The following NET1 variants were observed in gnomAD, a reference collection of about 807,000 sequenced individuals.
NET1 encodes neuroepithelial cell-transforming gene 1 protein.
NET1 carries 42 observed loss-of-function variants against 61.1 expected under a neutral mutation model. The ratio of observed to expected loss-of-function variants is 0.69; its 90% CI spans 0.54 to 0.89. The LOEUF is 0.89. NET1 is among the 40% of genes least tolerant of loss of function. NET1 has a pLI of 0.00. For synonymous variants in NET1, 254 were observed against 281.8 expected (o/e 0.90, Z 0.99); for missense variants, 654 against 747.3 (o/e 0.88, Z 1.46).
In NET1 at chr10:5,415,349, G is replaced by A. The variant is rs570012943; in HGVS notation, c.128+2529G>A. On this transcript the variant is annotated intron_variant, in intron 1 of 11. Transcript: ENST00000355029. This position sits in a 1 kb window ranked among gnomAD's most constrained non-coding sequence, Gnocchi z 4.7. ...CCCCTTCTGCCCTAAAACCTAATCT[G>A]TCGGTCTGTAGGAATTTCTCTGTTC... Among the ~76,000 whole-genome samples the A allele has an allele frequency of 9.2e-5, 14 of 152,044 alleles. No individual in the cohort carries two copies. The highest frequency in any genetic ancestry group is 3.4e-4 in the African/African-American group (14 of 41,458).
chr10:5,453,368 T>A lies in NET1; in HGVS notation c.691+22T>A, dbSNP rs775071499. ...GAAGGTTAGATGTGCCACTTAATTG[T>A]CATTAAATCTAAAGAGCAGCGGTGC... On this transcript the variant is annotated intron_variant, in intron 7 of 11. Transcript: ENST00000355029. This position sits in a 1 kb window ranked among gnomAD's most constrained non-coding sequence, Gnocchi z 4.9. 4.4e-6 allele frequency: 7 copies of A among 1,579,784 alleles called. No homozygotes were observed. The East Asian group carries it at 1.1e-4, about 25-fold the overall frequency.
At position 5,422,778 on chromosome 10, in the gene NET1, C is replaced by A. The variant is rs951758821; in HGVS notation, c.129-3877C>A. Among the ~76,000 whole-genome samples the A allele has an allele frequency of 6.6e-6, 1 of 152,172 alleles. No individual in the cohort carries two copies. The highest frequency in any genetic ancestry group is 1.9e-4 in the East Asian group (1 of 5,202). On this transcript the variant is annotated intron_variant, in intron 1 of 11. Coordinates refer to ENST00000355029, the MANE Select transcript of NET1 (RefSeq NM_001047160.3). This position sits in a 1 kb window ranked among gnomAD's most constrained non-coding sequence, Gnocchi z 4.1. ...GTCAGAAGTGGAAGAAGAGACAACT[C>A]CTTAATAGCAAAGATGCTGAACAGC...
Position 5,441,241 on chromosome 10 carries a change from C to G in NET1, c.256-10589C>G, listed in dbSNP as rs1185002671. Among the ~76,000 whole-genome samples, 2 of 152,256 alleles carry G rather than the reference C, an allele frequency of 1.3e-5. No individual in the cohort carries two copies. Among genetic ancestry groups the G allele is most frequent in the Non-Finnish European group, 2.9e-5 (2 of 68,044 alleles). On this transcript the variant is annotated intron_variant, in intron 3 of 11. Transcript: ENST00000355029. The surrounding 1 kb of genome is among the most constrained non-coding windows in gnomAD (Gnocchi z 4.6). ...GCCTTTCGGGTGTCCATCCCACACA[C>G]CCGTGGCTACACATGTGCATGTGCC...
chr10:5,412,661 C>T lies in NET1; in HGVS notation c.-32C>T, dbSNP rs1054509205. ...CCCGTCCCTGCCGGTCTCCCGGGCA[C>T]CCGGCCACCGCCCCACCCCCTCCTC... On this transcript the variant is annotated 5_prime_UTR_variant, in exon 1 of 12. Transcript: ENST00000355029. The surrounding 1 kb of genome is among the most constrained non-coding windows in gnomAD (Gnocchi z 6.5). 1.4e-5 allele frequency: 21 copies of T among 1,453,250 alleles called. No homozygotes were observed. Among genetic ancestry groups the T allele is most frequent in the Admixed American group, 3.0e-5 (1 of 33,290 alleles). The allele number at this position is 1,453,250 out of a possible 1,614,324, so 90.0% of individuals were successfully genotyped here. A position where few individuals can be genotyped will look rare whatever the true frequency, so the allele number is the denominator to read the frequency against.
rs1173840007 is a variant in NET1 at position 5,437,856 on chromosome 10, G to A, written c.255+8627G>A. Among the ~76,000 whole-genome samples the A allele has an allele frequency of 6.6e-6, 1 of 152,044 alleles. No homozygotes were observed. The highest frequency in any genetic ancestry group is 1.5e-5 in the Non-Finnish European group (1 of 67,998). ...TCCAGGATAGACGGTATGTCAGGCT[G>A]CAAAACAAGTCTTAATACATTTATA... is the stretch of plus-strand genomic sequence containing the variant. On this transcript the variant is annotated intron_variant, in intron 3 of 11. Transcript: ENST00000355029. The surrounding 1 kb of genome is among the most constrained non-coding windows in gnomAD (Gnocchi z 4.3).
At chr10:5,445,918 A>G (rs1443150607) in intron 3 of NET1, among the ~76,000 whole-genome samples, 1 of 152,232 alleles carries the variant, frequency 6.6e-6, no homozygotes, top group Non-Finnish European at 1.5e-5. Context: ...CTATGTATAC[A>G]ATATAGAGAA....
chr10:5,456,450 G>T lies in NET1; in HGVS notation c.1385-138G>T. The T allele has an allele frequency of 1.9e-6, 2 of 1,051,378 alleles. No individual in the cohort carries two copies. The highest frequency in any genetic ancestry group is 2.7e-6 in the Non-Finnish European group (2 of 738,924). The allele number at this position is 1,051,378 out of a possible 1,614,324, so 65.1% of individuals were successfully genotyped here. On this transcript the variant is annotated intron_variant, in intron 11 of 11. Transcript: ENST00000355029. The surrounding 1 kb of genome is among the most constrained non-coding windows in gnomAD (Gnocchi z 7.0). The stretch of plus-strand genomic sequence containing the variant: ...CCCGCAGGTGTATCTAAGAAATAAT[G>T]CATAGGCTTAATGTATTCACATTGA...
rs1832673416 is a variant in NET1 at position 5,449,653 on chromosome 10, T to G, written c.256-2177T>G. Among the ~76,000 whole-genome samples, 1 of 152,218 alleles carries G rather than the reference T, an allele frequency of 6.6e-6. No individual in the cohort carries two copies. Among genetic ancestry groups the G allele is most frequent in the Admixed American group, 6.5e-5 (1 of 15,288 alleles). On this transcript the variant is annotated intron_variant, in intron 3 of 11. Transcript: ENST00000355029. The surrounding 1 kb of genome is among the most constrained non-coding windows in gnomAD (Gnocchi z 4.4). ...CTGTAGTTTTAAAATATCACATAAT[T>G]TTGAGTTACCAGGAAGTTAGTAGTT...
intron 3 of NET1, among the ~76,000 whole-genome samples, chr10:5,436,225 C>CAT (rs1411296575): frequency 0.058 from 1,437 of 24,582 alleles, 90 homozygotes; most frequent in East Asian, 0.091. Context: ...TGTGTGTGTG[C>CAT]ATATATATAT....
Position 5,457,498 on chromosome 10 carries a change from C to T in NET1, c.*504C>T, listed in dbSNP as rs1832825770. 6.6e-6 allele frequency: 1 copy of T among 152,576 alleles called. No homozygotes were observed. 9.5% of individuals were successfully genotyped at this position (152,576 alleles called of 1,614,324 possible). On this transcript the variant is annotated 3_prime_UTR_variant, in exon 12 of 12. Coordinates refer to ENST00000355029, the MANE Select transcript of NET1 (RefSeq NM_001047160.3). This position sits in a 1 kb window ranked among gnomAD's most constrained non-coding sequence, Gnocchi z 5.4. ...AACATAATTTCCTTGGAAAACAAAC[C>T]ATAAGCCTGAGGAGGTTTTTATCAA...
In NET1 at chr10:5,453,697, C is replaced by T. The variant is rs1291908097; in HGVS notation, c.768+137C>T. 1.2e-5 allele frequency: 8 copies of T among 663,646 alleles called. No individual in the cohort carries two copies. The highest frequency in any genetic ancestry group is 2.1e-5 in the Non-Finnish European group (8 of 381,976). The allele number at this position is 663,646 out of a possible 1,614,324, so 41.1% of individuals were successfully genotyped here. On this transcript the variant is annotated intron_variant, in intron 8 of 11. Transcript: ENST00000355029. This position sits in a 1 kb window ranked among gnomAD's most constrained non-coding sequence, Gnocchi z 4.9. Reference sequence around the variant, plus strand: ...AAGGCGTTAAAACTGAACAAATTTACAGTGACATAAGAAGTTACAGTCTGT... The same window carrying T: ...AAGGCGTTAAAACTGAACAAATTTATAGTGACATAAGAAGTTACAGTCTGT...
chr10:5,432,681 C>CTCTTCTACCCTACTCACTCTT (rs1832367763), intron 3 of NET1, among the ~76,000 whole-genome samples: 1 of 151,574 alleles, frequency 6.6e-6, no homozygotes, highest in Admixed American at 6.6e-5. Context: ...ATATTCCTGA[C>CTCTTCTACCCTACTCACTCTT]TCTTCTACCC....
chr10:5,454,982 A>C lies in NET1; in HGVS notation c.1061A>C (p.Asn354Thr), dbSNP rs1268959924. 1 of 1,614,138 alleles carries C rather than the reference A, an allele frequency of 6.2e-7. No homozygotes were observed. The highest frequency in any genetic ancestry group is 1.1e-5 in the South Asian group (1 of 91,082). Residue 354 changes from asparagine (N) to threonine (T), a missense_variant, in exon 10 of 12, where the codon AAC (asparagine) becomes ACC (threonine). By Grantham distance (65) the Asn-to-Thr change is moderately conservative (BLOSUM62 0). Transcript: ENST00000355029. This position sits in a 1 kb window ranked among gnomAD's most constrained non-coding sequence, Gnocchi z 8.1. ...ATACAGGGAGTCCTCTCTGATATCA[A>C]CTTGAAGAAAGGTGAATCCGAGTGC... ...LIIQGVLSDI[N>T]LKKGESECQY...
Position 5,452,757 on chromosome 10 carries a change from T to C in NET1, c.532-101T>C. ...ATTACAATTTTCAGACTGAGTTACT[T>C]TTTAAAATGCCGTTCAAAACATCAA... On this transcript the variant is annotated intron_variant, in intron 5 of 11. Coordinates refer to ENST00000355029, the MANE Select transcript of NET1 (RefSeq NM_001047160.3). The surrounding 1 kb of genome is among the most constrained non-coding windows in gnomAD (Gnocchi z 4.0). The C allele has an allele frequency of 3.4e-6, 4 of 1,174,288 alleles. No homozygotes were observed. Among genetic ancestry groups the C allele is most frequent in the Non-Finnish European group, 4.9e-6 (4 of 815,142 alleles). The allele number at this position is 1,174,288 out of a possible 1,614,324, so 72.7% of individuals were successfully genotyped here.
chr10:5,428,033 C>A, intron 2 of NET1, among the ~76,000 whole-genome samples: 1 of 121,762 alleles, frequency 8.2e-6, no homozygotes, highest in African/African-American at 3.1e-5. Context: ...TGGACTTTGC[C>A]GTTCCTTTTT....
At position 5,423,740 on chromosome 10, in the gene NET1, T is replaced by C. The variant is rs1832216396; in HGVS notation, c.129-2915T>C. On this transcript the variant is annotated intron_variant, in intron 1 of 11. Transcript: ENST00000355029. This position sits in a 1 kb window ranked among gnomAD's most constrained non-coding sequence, Gnocchi z 4.4. Reference sequence around the variant, plus strand: ...AAAATAACTTGCAATCTTAATGTTTTATGAAATCATTTTTTTCCCCACAAG... The same window carrying C: ...AAAATAACTTGCAATCTTAATGTTTCATGAAATCATTTTTTTCCCCACAAG... Among the ~76,000 whole-genome samples, 2 of 152,200 alleles carry C rather than the reference T, an allele frequency of 1.3e-5. No homozygotes were observed. The highest frequency in any genetic ancestry group is 2.9e-5 in the Non-Finnish European group (2 of 68,006).
Position 5,415,768 on chromosome 10 carries a change from A to G in NET1, c.128+2948A>G, listed in dbSNP as rs1360022303. 2.6e-5 allele frequency among the ~76,000 whole-genome samples: 4 copies of G among 152,040 alleles called. No homozygotes were observed. Among genetic ancestry groups the G allele is most frequent in the Non-Finnish European group, 5.9e-5 (4 of 68,008 alleles). ...TCATTTTTAAATTTCTTTTTTATTG[A>G]GTTGTTAAGAGTTCTTTATTCTGGA... is the stretch of plus-strand genomic sequence containing the variant. On this transcript the variant is annotated intron_variant, in intron 1 of 11. Transcript: ENST00000355029. This position sits in a 1 kb window ranked among gnomAD's most constrained non-coding sequence, Gnocchi z 4.7.
rs1282597783 is a variant in NET1 at position 5,451,401 on chromosome 10, A to G, written c.256-429A>G. On this transcript the variant is annotated intron_variant, in intron 3 of 11. Transcript: ENST00000355029. This position sits in a 1 kb window ranked among gnomAD's most constrained non-coding sequence, Gnocchi z 6.1. Reference sequence around the variant, plus strand: ...TTAAGTAGGGACAAAAATGAAACAAATTGTTATACCAGACACTGTGGAGGC... The same window carrying G: ...TTAAGTAGGGACAAAAATGAAACAAGTTGTTATACCAGACACTGTGGAGGC... Among the ~76,000 whole-genome samples, 1 of 152,138 alleles carries G rather than the reference A, an allele frequency of 6.6e-6. No homozygotes were observed. The highest frequency in any genetic ancestry group is 1.5e-5 in the Non-Finnish European group (1 of 68,030).
chr10:5,446,471 G>T lies in NET1; in HGVS notation c.256-5359G>T. 1 of 742,766 alleles carries T rather than the reference G, an allele frequency of 1.3e-6. No individual in the cohort carries two copies. The highest frequency in any genetic ancestry group is 1.7e-6 in the Non-Finnish European group (1 of 593,286). 46.0% of individuals were successfully genotyped at this position (742,766 alleles called of 1,614,324 possible). ...TGAACCCAGCTTCACTCTCCTCCTG[G>T]GCGAAAGCTGAGAGGCCTAGGTGTG... is the stretch of plus-strand genomic sequence containing the variant. On this transcript the variant is annotated intron_variant, in intron 3 of 11. Coordinates refer to ENST00000355029, the MANE Select transcript of NET1 (RefSeq NM_001047160.3). The surrounding 1 kb of genome is among the most constrained non-coding windows in gnomAD (Gnocchi z 5.0).
Sources: allele counts gnomAD v4.1 joint callset (sites outside exome capture counted in the v4.1 genomes callset), GRCh38; gene constraint gnomAD v4.1.1; non-coding constraint Gnocchi (gnomAD v3.1); transcripts MANE v1.5; gene names NCBI Gene and HGNC (gene_info 2026-07-23, HGNC 2026-07-21).